The following CADPS variants were observed in gnomAD, a reference collection of about 807,000 sequenced individuals.
CADPS encodes calcium dependent secretion activator.
CADPS carries 57 observed loss-of-function variants against 167.3 expected under a neutral mutation model. The observed-to-expected ratio is 0.34, with a 90% CI of 0.28 to 0.42. The LOEUF (loss-of-function observed/expected upper bound fraction) is 0.42. CADPS is among the 20% of genes least tolerant of loss of function. The pLI is 1.00. For missense variants in CADPS, 1,414 were observed against 1,738.1 expected, an observed-to-expected ratio of 0.81 and a Z score of 3.32; for synonymous variants, 676 against 635.3, an observed-to-expected ratio of 1.06 and a Z score of -0.96.
chr3:62,629,087 AT>A (rs1396210006), intron 6 of CADPS, among the ~76,000 whole-genome samples: 2 of 152,014 alleles, frequency 1.3e-5, no homozygotes, highest in Non-Finnish European at 2.9e-5. Flanking sequence ...CATGGATAAA[AT>A]TTTCTCTCCT....
rs2076201151 is a variant in CADPS at position 62,544,742 on chromosome 3, CAA to C, written c.1966+5159_1966+5160del. 4 of 454,102 alleles carry C rather than the reference CAA, an allele frequency of 8.8e-6. No homozygotes were observed. The highest frequency in any genetic ancestry group is 1.2e-5 in the Non-Finnish European group (4 of 326,048). 28.1% of individuals were successfully genotyped at this position (454,102 alleles called of 1,614,324 possible). On this transcript the variant is annotated intron_variant, in intron 11 of 29. Transcript: ENST00000383710. This position sits in a 1 kb window ranked among gnomAD's most constrained non-coding sequence, Gnocchi z 4.4. The stretch of plus-strand genomic sequence containing the variant: ...GAAAATAACATGAAAAGTTGTACTA[CAA>C]ATTCTAGACATGAGGAAGATTTAAG...
chr3:62,550,651 G>A (rs966595457), intron 10 of CADPS, among the ~76,000 whole-genome samples: 8 of 152,116 alleles, frequency 5.3e-5, no homozygotes, highest in Non-Finnish European at 1.0e-4. Context: ...TTCAGATGGC[G>A]CTGGTGTGAG....
chr3:62,807,476 G>T (rs1261772376), intron 1 of CADPS, among the ~76,000 whole-genome samples: 1 of 151,794 alleles, frequency 6.6e-6, no homozygotes, highest in African/African-American at 2.4e-5. Context: ...TGGCCAAGCT[G>T]GTCTCACACT....
At chr3:62,491,005 T>C (rs2063597845) in intron 21 of CADPS, among the ~76,000 whole-genome samples, 1 of 152,184 alleles carries the variant, frequency 6.6e-6, no homozygotes, top group Non-Finnish European at 1.5e-5. Context: ...TGGGAAACAC[T>C]GAATCCTAGA....
chr3:62,451,265 C>T (rs1219816426), intron 26 of CADPS, among the ~76,000 whole-genome samples: 1 of 152,080 alleles, frequency 6.6e-6, no homozygotes, highest in East Asian at 1.9e-4. Context: ...TCATTGAGCA[C>T]TCACCATTCT....
chr3:62,865,695 T>TACAATA (rs1489220759), intron 1 of CADPS, among the ~76,000 whole-genome samples: 1 of 152,122 alleles, frequency 6.6e-6, no homozygotes, highest in Non-Finnish European at 1.5e-5. Context: ...AGTCCATATC[T>TACAATA]AAGAAGCAGT....
chr3:62,605,907 C>A (rs2060633029), intron 6 of CADPS, among the ~76,000 whole-genome samples: 1 of 152,196 alleles, frequency 6.6e-6, no homozygotes, highest in Non-Finnish European at 1.5e-5. Context: ...TGAGCAATGG[C>A]TTTTGTGTTT....
chr3:62,707,231 C>A (rs1372359182), intron 3 of CADPS, among the ~76,000 whole-genome samples: 30 of 152,090 alleles, frequency 2.0e-4, no homozygotes, highest in Admixed American at 2.0e-3. Context: ...TTGTGAACTG[C>A]ACATGTGAGG....
intron 2 of CADPS, among the ~76,000 whole-genome samples, chr3:62,757,985 A>T (rs1238562199): frequency 6.6e-6 from 1 of 152,188 alleles, no homozygotes; most frequent in Non-Finnish European, 1.5e-5. Context: ...CTCACTGGGT[A>T]CCCCCATGAC....
intron 18 of CADPS, among the ~76,000 whole-genome samples, chr3:62,495,882 G>A (rs1380114056): frequency 6.6e-6 from 1 of 152,148 alleles, no homozygotes; most frequent in Non-Finnish European, 1.5e-5. Flanking sequence ...CTTAGCTGGT[G>A]AGATTTCTTT....
At chr3:62,595,920 C>G (rs942202126) in intron 6 of CADPS, among the ~76,000 whole-genome samples, 3 of 152,122 alleles carry the variant, frequency 2.0e-5, no homozygotes, top group East Asian at 3.9e-4. Flanking sequence ...CAGCCTATAT[C>G]TTTCTCCCAT....
At chr3:62,862,644 T>C (rs889385966) in intron 1 of CADPS, among the ~76,000 whole-genome samples, 10 of 152,228 alleles carry the variant, frequency 6.6e-5, no homozygotes, top group Admixed American at 5.2e-4. Flanking sequence ...ACCAAGTAGA[T>C]GTGAAATGTG....
chr3:62,561,068 A>G lies in CADPS; in HGVS notation c.1645-3555T>C, dbSNP rs887573687. On this transcript the variant is annotated intron_variant, in intron 9 of 29. Coordinates refer to ENST00000383710, the MANE Select transcript of CADPS (RefSeq NM_003716.4). ...CACTCCAGCCTGGGAGAAAGAGCGAAACTCCATCTCAAAAAAAAAAAAAAA... is the reference window on the plus strand; with the variant it reads ...CACTCCAGCCTGGGAGAAAGAGCGAGACTCCATCTCAAAAAAAAAAAAAAA... 3.4e-4 allele frequency among the ~76,000 whole-genome samples: 43 copies of G among 127,848 alleles called. No individual in the cohort carries two copies. The South Asian group carries it at 0.012, about 35-fold the overall frequency. 83.9% of individuals were successfully genotyped at this position (127,848 alleles called of 152,430 possible).
intron 3 of CADPS, among the ~76,000 whole-genome samples, chr3:62,732,944 G>A (rs557444273): frequency 6.6e-6 from 1 of 152,336 alleles, no homozygotes; most frequent in South Asian, 2.1e-4. Context: ...GTGATGGAGG[G>A]TGTGTGTCTA....
At chr3:62,552,170 T>C (rs561702194) in intron 10 of CADPS, among the ~76,000 whole-genome samples, 9 of 136,768 alleles carry the variant, frequency 6.6e-5, no homozygotes, top group East Asian at 4.4e-4. Flanking sequence ...TAGGTGGGAA[T>C]TGAACAATGA....
In CADPS at chr3:62,544,402, G is replaced by A. The variant is rs941305949; in HGVS notation, c.1966+5501C>T. Among the ~76,000 whole-genome samples, 2 of 151,656 alleles carry A rather than the reference G, an allele frequency of 1.3e-5. No individual in the cohort carries two copies. Among genetic ancestry groups the A allele is most frequent in the Non-Finnish European group, 2.9e-5 (2 of 67,960 alleles). ...CACACCACTGGTACTCTGACCATTC[G>A]AATCTTTGGAATGGGAAAGGAAAAA... On this transcript the variant is annotated intron_variant, in intron 11 of 29. Transcript: ENST00000383710. The surrounding 1 kb of genome is among the most constrained non-coding windows in gnomAD (Gnocchi z 4.4).
At position 62,446,208 on chromosome 3, in the gene CADPS, A is replaced by T. The variant is rs73840193; in HGVS notation, c.3637-411T>A. 0.079 allele frequency among the ~76,000 whole-genome samples: 12,081 copies of T among 152,200 alleles called. 613 individuals are homozygous for T. Among genetic ancestry groups the T allele is most frequent in the African/African-American group, 0.15 (6,104 of 41,516 alleles). On this transcript the variant is annotated intron_variant, in intron 26 of 29. Transcript: ENST00000383710. The surrounding 1 kb of genome is among the most constrained non-coding windows in gnomAD (Gnocchi z 4.9). ...AGGTTGTCCTAACTAAATAACTAAAAACCTCAGTTCTCAGCTTTCATTAAC... is the reference window on the plus strand; with the variant it reads ...AGGTTGTCCTAACTAAATAACTAAATACCTCAGTTCTCAGCTTTCATTAAC...
Position 62,875,139 on chromosome 3 carries a change from G to C in CADPS, c.-110C>G, listed in dbSNP as rs2083436535. On this transcript the variant is annotated 5_prime_UTR_variant, in exon 1 of 30. Transcript: ENST00000383710. The stretch of plus-strand genomic sequence containing the variant: ...TCTCCCGGGTGGGCGCTTCTCCCCA[G>C]GTCAGGGAGCGAGAGCGCTGCTGCT... The C allele has an allele frequency of 3.9e-6, 5 of 1,282,924 alleles. No homozygotes were observed. Among genetic ancestry groups the C allele is most frequent in the Non-Finnish European group, 5.0e-6 (5 of 1,001,680 alleles). The allele number at this position is 1,282,924 out of a possible 1,614,324, so 79.5% of individuals were successfully genotyped here.
intron 28 of CADPS, among the ~76,000 whole-genome samples, chr3:62,406,771 A>G (rs1001084719): frequency 6.6e-6 from 1 of 152,218 alleles, no homozygotes; most frequent in Non-Finnish European, 1.5e-5. Context: ...ACCCAAAAGG[A>G]TGCCCATCAT....
Sources: gnomAD v4.1 joint callset for allele counts (sites outside exome capture counted in the v4.1 genomes callset) on GRCh38, gnomAD v4.1.1 for gene constraint, Gnocchi (gnomAD v3.1) non-coding constraint, MANE v1.5 for transcripts, NCBI Gene and HGNC (gene_info 2026-07-23, HGNC 2026-07-21) for gene names.